LPCAT1: variants seen among roughly 807,000 people sequenced by gnomAD.
LPCAT1 encodes 1-acylglycerol-3-phosphate O-acyltransferase.
Under a neutral mutation model 60.9 loss-of-function variants are expected in LPCAT1, and 23 were observed. That is an observed-to-expected ratio of 0.38 (90% CI 0.27 to 0.53). The LOEUF (loss-of-function observed/expected upper bound fraction) is 0.53. Among genes scored for constraint, LPCAT1 ranks in the 20% least tolerant of loss-of-function variants. The probability of loss-of-function intolerance (pLI) is 0.82; values close to 1 mark genes in which losing one functional copy is unlikely to be tolerated. For synonymous variants in LPCAT1, 340 were observed against 301.1 expected (o/e 1.13, Z -1.34); for missense variants, 622 against 723.6 (o/e 0.86, Z 1.61).
rs755615474 is a variant in LPCAT1 at position 1,480,992 on chromosome 5, C to T, written c.727-16G>A. ...TGATGGTGTCCTGGGGAGGAAGAGGCAGGGTCAGTCAGCATGGGGCCTGCA... is the reference window on the plus strand; with the variant it reads ...TGATGGTGTCCTGGGGAGGAAGAGGTAGGGTCAGTCAGCATGGGGCCTGCA... On this transcript the variant is annotated splice_polypyrimidine_tract_variant and intron_variant, in intron 6 of 13. Transcript: ENST00000283415. This position sits in a 1 kb window ranked among gnomAD's most constrained non-coding sequence, Gnocchi z 6.4. 1.9e-6 allele frequency: 3 copies of T among 1,613,454 alleles called. No individual in the cohort carries two copies. Among genetic ancestry groups the T allele is most frequent in the South Asian group, 1.1e-5 (1 of 91,086 alleles).
At chr5:1,514,373 T>A (rs1056517694) in intron 1 of LPCAT1, among the ~76,000 whole-genome samples, 21 of 152,186 alleles carry the variant, frequency 1.4e-4, no homozygotes, top group Admixed American at 4.6e-4. Flanking sequence ...CCTCACAGCT[T>A]CACAGAGCAG....
chr5:1,490,223 A>G (rs1735524504), intron 3 of LPCAT1, among the ~76,000 whole-genome samples: 1 of 152,202 alleles, frequency 6.6e-6, no homozygotes, highest in South Asian at 2.1e-4. Flanking sequence ...AGGTCCCTAG[A>G]TTGGACCCCG....
chr5:1,521,210 A>T lies in LPCAT1; in HGVS notation c.135+2500T>A. On this transcript the variant is annotated intron_variant, in intron 1 of 13. Coordinates refer to ENST00000283415, the MANE Select transcript of LPCAT1 (RefSeq NM_024830.5). This position sits in a 1 kb window ranked among gnomAD's most constrained non-coding sequence, Gnocchi z 4.3. The stretch of plus-strand genomic sequence containing the variant: ...CTGTTTTCTGTCCAAAGAGATACTT[A>T]AGCTCCTCACTAAATCTGTAGTTAA... 1 of 426,108 alleles carries T rather than the reference A, an allele frequency of 2.3e-6. No individual in the cohort carries two copies. The highest frequency in any genetic ancestry group is 3.1e-6 in the Non-Finnish European group (1 of 319,000). The allele number at this position is 426,108 out of a possible 1,614,324, so 26.4% of individuals were successfully genotyped here. A position where few individuals can be genotyped will look rare whatever the true frequency, so the allele number is the denominator to read the frequency against.
In LPCAT1 at chr5:1,518,511, T is replaced by C. The variant is rs370370480; in HGVS notation, c.135+5199A>G. On this transcript the variant is annotated intron_variant, in intron 1 of 13. Transcript: ENST00000283415. ...ACCTGCCATGACACCCGTCTAATTT[T>C]TTGTATTTTTAGTAGAGACGGGGTT... Among the ~76,000 whole-genome samples the C allele has an allele frequency of 2.7e-3, 407 of 152,290 alleles. 6 individuals carry two copies. Among genetic ancestry groups the C allele is most frequent in the African/African-American group, 9.4e-3 (390 of 41,558 alleles).
intron 13 of LPCAT1, among the ~76,000 whole-genome samples, chr5:1,465,196 CAGTA>C (rs758456761): frequency 6.8e-6 from 1 of 148,050 alleles, no homozygotes; most frequent in Non-Finnish European, 1.5e-5. Flanking sequence ...CACGCGCACA[CAGTA>C]ACTAAACACA....
In LPCAT1 at chr5:1,521,512, G is replaced by A. The variant is rs1218928121; in HGVS notation, c.135+2198C>T. 3 of 984,002 alleles carry A rather than the reference G, an allele frequency of 3.0e-6. 1 individual carries two copies. Among genetic ancestry groups the A allele is most frequent in the Middle Eastern group, 1.0e-3 (2 of 1,936 alleles). 61.0% of individuals were successfully genotyped at this position (984,002 alleles called of 1,614,324 possible). A position where few individuals can be genotyped will look rare whatever the true frequency, so the allele number is the denominator to read the frequency against. ...AAGAATATATCACATCAAAGTAAAA[G>A]CTTTGCAAAGCAATGCTTGGTGAAA... On this transcript the variant is annotated intron_variant, in intron 1 of 13. Transcript: ENST00000283415. This position sits in a 1 kb window ranked among gnomAD's most constrained non-coding sequence, Gnocchi z 4.3.
At chr5:1,519,358 T>C (rs1445421704) in intron 1 of LPCAT1, among the ~76,000 whole-genome samples, 5 of 152,396 alleles carry the variant, frequency 3.3e-5, no homozygotes, top group African/African-American at 9.6e-5. Context: ...CACACACTCA[T>C]ATTAGAAACC....
At chr5:1,464,786 G>C (rs1268259003) in intron 13 of LPCAT1, among the ~76,000 whole-genome samples, 1 of 146,090 alleles carries the variant, frequency 6.8e-6, no homozygotes. Flanking sequence ...AAACACACGT[G>C]CGCGCACACA....
Position 1,480,411 on chromosome 5 carries a change from C to A in LPCAT1, c.761+531G>T, listed in dbSNP as rs954424102. ...TCTGCCCTCCCGACGTCAGCTCAGACGTCAGCACCCAGGAGGCCCTGACCA... is the reference window on the plus strand; with the variant it reads ...TCTGCCCTCCCGACGTCAGCTCAGAAGTCAGCACCCAGGAGGCCCTGACCA... On this transcript the variant is annotated intron_variant, in intron 7 of 13. Coordinates refer to ENST00000283415, the MANE Select transcript of LPCAT1 (RefSeq NM_024830.5). The surrounding 1 kb of genome is among the most constrained non-coding windows in gnomAD (Gnocchi z 6.4). The A allele has an allele frequency of 1.0e-6, 1 of 983,664 alleles. No homozygotes were observed. The highest frequency in any genetic ancestry group is 1.7e-5 in the African/African-American group (1 of 57,192). The allele number at this position is 983,664 out of a possible 1,614,324, so 60.9% of individuals were successfully genotyped here.
At chr5:1,469,431 G>A (rs1005557405) in intron 12 of LPCAT1, among the ~76,000 whole-genome samples, 19 of 152,196 alleles carry the variant, frequency 1.2e-4, no homozygotes, top group African/African-American at 4.6e-4. Flanking sequence ...CACCCCCACC[G>A]CTGCTGTCAT....
At chr5:1,466,668 G>A (rs1734418831) in intron 13 of LPCAT1, 81 bp downstream of exon 13, 8 of 1,446,360 alleles carry the variant, frequency 5.5e-6, no homozygotes, top group Middle Eastern at 1.8e-4. Flanking sequence ...TCCTGTCCTG[G>A]GCTCCCACGG....
chr5:1,508,037 G>A (rs1250046845), intron 1 of LPCAT1, among the ~76,000 whole-genome samples: 1 of 152,206 alleles, frequency 6.6e-6, no homozygotes, highest in Non-Finnish European at 1.5e-5. Context: ...GACACAGAAG[G>A]TGCCATCTAT....
Position 1,487,759 on chromosome 5 carries a change from A to T in LPCAT1, c.667+632T>A, listed in dbSNP as rs907343557. On this transcript the variant is annotated intron_variant, in intron 5 of 13. Coordinates refer to ENST00000283415, the MANE Select transcript of LPCAT1 (RefSeq NM_024830.5). The surrounding 1 kb of genome is among the most constrained non-coding windows in gnomAD (Gnocchi z 6.1). ...TAGCCCAAGGGAGACGACAGGATCC[A>T]GGTGGACCCTCTGACACGCCCAAGG... is the stretch of plus-strand genomic sequence containing the variant. Among the ~76,000 whole-genome samples the T allele has an allele frequency of 6.6e-6, 1 of 152,186 alleles. No homozygotes were observed. The highest frequency in any genetic ancestry group is 6.5e-5 in the Admixed American group (1 of 15,282).
intron 12 of LPCAT1, among the ~76,000 whole-genome samples, chr5:1,470,222 C>G (rs939504474): frequency 1.3e-5 from 2 of 152,268 alleles, no homozygotes; most frequent in Non-Finnish European, 2.9e-5. Flanking sequence ...CACATTGGTG[C>G]TGCTGGAGCC....
In LPCAT1 at chr5:1,523,128, G is replaced by A. The variant is rs1012443960; in HGVS notation, c.135+582C>T. On this transcript the variant is annotated intron_variant, in intron 1 of 13. Transcript: ENST00000283415. This position sits in a 1 kb window ranked among gnomAD's most constrained non-coding sequence, Gnocchi z 7.1. ...AGCAGGGAGACCCGTGCGCCTACAGGGGACCCTACAGGGGACCCGCACCGC... is the reference window on the plus strand; with the variant it reads ...AGCAGGGAGACCCGTGCGCCTACAGAGGACCCTACAGGGGACCCGCACCGC... Among the ~76,000 whole-genome samples, 2 of 151,506 alleles carry A rather than the reference G, an allele frequency of 1.3e-5. No individual in the cohort carries two copies. Among genetic ancestry groups the A allele is most frequent in the African/African-American group, 2.4e-5 (1 of 41,418 alleles).
intron 1 of LPCAT1, among the ~76,000 whole-genome samples, chr5:1,515,514 G>A (rs1736482043): frequency 9.8e-6 from 1 of 102,364 alleles, no homozygotes; most frequent in African/African-American, 4.0e-5. Context: ...TGTACACCCT[G>A]CCCCACACTA....
chr5:1,481,069 C>T lies in LPCAT1; in HGVS notation c.727-93G>A, dbSNP rs1735121965. 4 of 1,451,488 alleles carry T rather than the reference C, an allele frequency of 2.8e-6. No homozygotes were observed. Among genetic ancestry groups the T allele is most frequent in the Non-Finnish European group, 3.8e-6 (4 of 1,039,294 alleles). 89.9% of individuals were successfully genotyped at this position (1,451,488 alleles called of 1,614,324 possible). On this transcript the variant is annotated intron_variant, in intron 6 of 13. Coordinates refer to ENST00000283415, the MANE Select transcript of LPCAT1 (RefSeq NM_024830.5). The surrounding 1 kb of genome is among the most constrained non-coding windows in gnomAD (Gnocchi z 7.8). Reference sequence around the variant, plus strand: ...TGTGCCGGCCTCTCCCTGCACCTCCCACCCCACAGAGGCGCTGCAGCCAGG... The same window carrying T: ...TGTGCCGGCCTCTCCCTGCACCTCCTACCCCACAGAGGCGCTGCAGCCAGG...
In LPCAT1 at chr5:1,502,893, C is replaced by T. The variant is rs556741009; in HGVS notation, c.136-1290G>A. On this transcript the variant is annotated intron_variant, in intron 1 of 13. Coordinates refer to ENST00000283415, the MANE Select transcript of LPCAT1 (RefSeq NM_024830.5). This position sits in a 1 kb window ranked among gnomAD's most constrained non-coding sequence, Gnocchi z 5.5. ...TGCCACATGTGTCATTTTAAATTTT[C>T]GAGTGGCCACATTTAAAGGGAATGA... Among the ~76,000 whole-genome samples, 4 of 152,266 alleles carry T rather than the reference C, an allele frequency of 2.6e-5. No individual in the cohort carries two copies. The highest frequency in any genetic ancestry group is 2.6e-4 in the Admixed American group (4 of 15,304).
chr5:1,498,914 C>T (rs1314405407), intron 2 of LPCAT1, among the ~76,000 whole-genome samples: 1 of 151,162 alleles, frequency 6.6e-6, no homozygotes, highest in East Asian at 1.9e-4. Context: ...TATGCACACT[C>T]ACATGCGCAT....
Sources: gnomAD v4.1 joint callset for allele counts (sites outside exome capture counted in the v4.1 genomes callset) on GRCh38, gnomAD v4.1.1 for gene constraint, Gnocchi (gnomAD v3.1) non-coding constraint, MANE v1.5 for transcripts, NCBI Gene and HGNC (gene_info 2026-07-23, HGNC 2026-07-21) for gene names.